Variants in NRXN2 observed in about 807,000 individuals in gnomAD.
NRXN2 encodes neurexin-2-beta.
Under a neutral mutation model 128.8 loss-of-function variants are expected in NRXN2, and 29 were observed. The ratio of observed to expected loss-of-function variants is 0.23; its 90% confidence interval spans 0.17 to 0.31. The LOEUF is 0.31. Among genes scored for constraint, NRXN2 ranks in the 10% least tolerant of loss-of-function variants. NRXN2 has a pLI of 1.00. For missense variants in NRXN2, 1,881 were observed against 2,452.6 expected (o/e 0.77, Z 4.92); for synonymous variants, 1,098 against 1,075.2 (o/e 1.02, Z -0.41).
rs3825074 is a variant in NRXN2, at chr11:64,648,295, G to A, written c.3327C>T (p.Gly1109=). ...AGCCATCCCACTGCTGCAAGCAGACGCCCTGGTTGGCACAGGACTCTTCAG... is the reference window on the plus strand; with the variant it reads ...AGCCATCCCACTGCTGCAAGCAGACACCCTGGTTGGCACAGGACTCTTCAG... ...TCTEESCANQ[G]VCLQQWDGFT... The change falls in exon 17 of 23, where the codon GGC becomes GGT. Residue 1109 remains glycine (G), a synonymous_variant. Coordinates refer to ENST00000265459, the MANE Select transcript of NRXN2 (RefSeq NM_015080.4). This position sits in a 1 kb window ranked among gnomAD's most constrained non-coding sequence, Gnocchi z 4.1. The A allele has an allele frequency of 0.14, 229,237 of 1,614,120 alleles. 17,627 individuals carry two copies. Among genetic ancestry groups the A allele is most frequent in the East Asian group, 0.21 (9,251 of 44,868 alleles).
chr11:64,620,224 G>T, intron 22 of NRXN2, 70 bp downstream of exon 22: 1 of 1,281,000 alleles, frequency 7.8e-7, no homozygotes, highest in Non-Finnish European at 1.1e-6. Context: ...CCAGGTGGCA[G>T]GGACAGTCGC....
At chr11:64,706,675 T>C (rs2056365754) in intron 2 of NRXN2, among the ~76,000 whole-genome samples, 1 of 152,196 alleles carries the variant, frequency 6.6e-6, no homozygotes, top group Non-Finnish European at 1.5e-5. Context: ...CTTGGTGCCC[T>C]CTACAGATAT....
intron 1 of NRXN2, among the ~76,000 whole-genome samples, chr11:64,717,129 T>G (rs539360868): frequency 1.3e-5 from 2 of 152,084 alleles, no homozygotes; most frequent in Non-Finnish European, 2.9e-5. Context: ...CCACATCAAG[T>G]AAACGGTGTC....
intron 5 of NRXN2, chr11:64,688,477 G>GT (rs2053383448): frequency 1.0e-6 from 1 of 985,444 alleles, no homozygotes; most frequent in Non-Finnish European, 1.2e-6. Flanking sequence ...CAAGGGACTG[G>GT]TGGAGGGATT....
chr11:64,624,856 A>G (rs573440898), intron 20 of NRXN2, among the ~76,000 whole-genome samples: 2 of 152,282 alleles, frequency 1.3e-5, no homozygotes, highest in East Asian at 3.9e-4. Flanking sequence ...TACCATAGTC[A>G]GGCGCTAACA....
chr11:64,624,912 T>C (rs931165354), intron 20 of NRXN2, among the ~76,000 whole-genome samples: 3 of 152,220 alleles, frequency 2.0e-5, no homozygotes, highest in Non-Finnish European at 4.4e-5. Flanking sequence ...TCTGGGATAC[T>C]TTCCTGCTGT....
Position 64,713,775 on chromosome 11 carries a change from G to A in NRXN2, c.-76C>T. 1 of 853,872 alleles carries A rather than the reference G, an allele frequency of 1.2e-6. No homozygotes were observed. The highest frequency in any genetic ancestry group is 1.4e-6 in the Non-Finnish European group (1 of 704,366). 52.9% of individuals were successfully genotyped at this position (853,872 alleles called of 1,614,324 possible). On this transcript the variant is annotated 5_prime_UTR_variant, in exon 2 of 23. Coordinates refer to ENST00000265459, the MANE Select transcript of NRXN2 (RefSeq NM_015080.4). Reference sequence around the variant, plus strand: ...AGAGCCGCGGGCGCATGGGGCGGGAGGGGGCCGGGCGCTCCCCGCGCTGAG... The same window carrying A: ...AGAGCCGCGGGCGCATGGGGCGGGAAGGGGCCGGGCGCTCCCCGCGCTGAG...
In NRXN2 at chr11:64,632,329, G is replaced by T. The variant is rs904285340; in HGVS notation, c.3586-1756C>A. 1.3e-5 allele frequency among the ~76,000 whole-genome samples: 2 copies of T among 152,178 alleles called. No homozygotes were observed. Among genetic ancestry groups the T allele is most frequent in the Admixed American group, 1.3e-4 (2 of 15,288 alleles). On this transcript the variant is annotated intron_variant, in intron 18 of 22. Transcript: ENST00000265459. This position sits in a 1 kb window ranked among gnomAD's most constrained non-coding sequence, Gnocchi z 4.2. ...TACATGCATGCAGCCTCTCTCCTCA[G>T]ATGCAGTAAAGCAGGGAAACTGAGG...
intron 5 of NRXN2, among the ~76,000 whole-genome samples, chr11:64,687,937 G>A (rs1206172882): frequency 2.6e-5 from 4 of 152,168 alleles, no homozygotes; most frequent in Admixed American, 1.3e-4. Flanking sequence ...GAACCAGGGG[G>A]CTCAAGGACC....
chr11:64,667,784 C>A lies in NRXN2; in HGVS notation c.1360-96G>T. 8.6e-7 allele frequency: 1 copy of A among 1,166,496 alleles called. No homozygotes were observed. The highest frequency in any genetic ancestry group is 2.4e-5 in the East Asian group (1 of 42,028). The allele number at this position is 1,166,496 out of a possible 1,614,324, so 72.3% of individuals were successfully genotyped here. A position where few individuals can be genotyped will look rare whatever the true frequency, so the allele number is the denominator to read the frequency against. On this transcript the variant is annotated intron_variant, in intron 8 of 22. Coordinates refer to ENST00000265459, the MANE Select transcript of NRXN2 (RefSeq NM_015080.4). This position sits in a 1 kb window ranked among gnomAD's most constrained non-coding sequence, Gnocchi z 5.6. ...AGCGAGCACCAGGGGACCCAGCCAC[C>A]CACCCCTGTAGCCCCTGCTCAGTTC...
At chr11:64,672,787 T>A (rs1791485659) in intron 7 of NRXN2, among the ~76,000 whole-genome samples, 1 of 152,106 alleles carries the variant, frequency 6.6e-6, no homozygotes, top group Non-Finnish European at 1.5e-5. Context: ...TAGCTACCTG[T>A]TCAATGAGAG....
intron 22 of NRXN2, among the ~76,000 whole-genome samples, chr11:64,610,472 C>T (rs896828320): frequency 1.3e-5 from 2 of 152,158 alleles, no homozygotes; most frequent in Non-Finnish European, 2.9e-5. Flanking sequence ...CCTCCCAATG[C>T]CTCCAGGAAT....
At chr11:64,609,952 G>A (rs2040363970) in intron 22 of NRXN2, among the ~76,000 whole-genome samples, 1 of 152,078 alleles carries the variant, frequency 6.6e-6, no homozygotes, top group African/African-American at 2.4e-5. Context: ...CCCCACTGCA[G>A]CCAGGCCAGC....
rs367967738 is a variant in NRXN2 at position 64,635,775 on chromosome 11, T to G, written c.3404-323A>C. 1.3e-5 allele frequency among the ~76,000 whole-genome samples: 2 copies of G among 151,548 alleles called. No homozygotes were observed. The highest frequency in any genetic ancestry group is 4.8e-5 in the African/African-American group (2 of 41,272). ...TGTAAGGAGACTGAGAAGACAAGAG[T>G]GCTGTGGGCAGGAAAGACCCAGGGG... On this transcript the variant is annotated intron_variant, in intron 17 of 22. Transcript: ENST00000265459. This position sits in a 1 kb window ranked among gnomAD's most constrained non-coding sequence, Gnocchi z 4.8.
In NRXN2 at chr11:64,640,093, G is replaced by A. The variant is rs557627909; in HGVS notation, c.3404-4641C>T. Among the ~76,000 whole-genome samples the A allele has an allele frequency of 4.3e-5, 6 of 139,378 alleles. No homozygotes were observed. The South Asian group carries it at 1.1e-3, about 26-fold the overall frequency. The allele number at this position is 139,378 out of a possible 152,430, so 91.4% of individuals were successfully genotyped here. A position where few individuals can be genotyped will look rare whatever the true frequency, so the allele number is the denominator to read the frequency against. On this transcript the variant is annotated intron_variant, in intron 17 of 22. Coordinates refer to ENST00000265459, the MANE Select transcript of NRXN2 (RefSeq NM_015080.4). ...CCCACACCTCCCACCCCCTTCTATC[G>A]CCATCCTGGAGCACCCTCCAGATGG...
intron 20 of NRXN2, among the ~76,000 whole-genome samples, chr11:64,624,276 T>C (rs968208990): frequency 2.6e-5 from 4 of 152,112 alleles, no homozygotes; most frequent in African/African-American, 9.7e-5. Flanking sequence ...TGGAAACAGG[T>C]TCTCTGGGAC....
intron 6 of NRXN2, among the ~76,000 whole-genome samples, chr11:64,684,336 G>A (rs1039669364): frequency 3.9e-5 from 6 of 152,244 alleles, no homozygotes; most frequent in East Asian, 1.9e-4. Context: ...ATGACAACGC[G>A]GGACAGCCCT....
At chr11:64,712,902 C>T in intron 2 of NRXN2, 68 bp downstream of exon 2, 2 of 1,376,712 alleles carry the variant, frequency 1.5e-6, no homozygotes, top group Non-Finnish European at 1.9e-6. Flanking sequence ...CACACTCCGA[C>T]CCCCACGAAG....
At chr11:64,641,731 G>A (rs529095920) in intron 17 of NRXN2, among the ~76,000 whole-genome samples, 1 of 152,196 alleles carries the variant, frequency 6.6e-6, no homozygotes, top group East Asian at 1.9e-4. Flanking sequence ...GCAGAGATAG[G>A]AGGTGATTGT....
Sources: gnomAD v4.1 joint callset for allele counts (sites outside exome capture counted in the v4.1 genomes callset) on GRCh38, gnomAD v4.1.1 for gene constraint, Gnocchi (gnomAD v3.1) non-coding constraint, MANE v1.5 for transcripts, NCBI Gene and HGNC (gene_info 2026-07-23, HGNC 2026-07-21) for gene names.